Variants in CBLB observed in about 807,000 individuals in gnomAD.
The protein encoded by CBLB is Cbl proto-oncogene B.
CBLB carries 31 observed loss-of-function variants against 104.9 expected under a neutral mutation model. The observed-to-expected ratio is 0.30, with a 90% CI of 0.22 to 0.40. The LOEUF is 0.40. Among genes scored for constraint, CBLB ranks in the 10% least tolerant of loss-of-function variants. The probability of loss-of-function intolerance (pLI) is 1.00; values close to 1 mark genes in which losing one functional copy is unlikely to be tolerated. For missense variants in CBLB, 1,062 were observed against 1,214.6 expected (o/e 0.87, Z 1.87); for synonymous variants, 440 against 422.6 (o/e 1.04, Z -0.51).
intron 3 of CBLB, among the ~76,000 whole-genome samples, chr3:105,810,650 A>T (rs1237730371): frequency 6.6e-6 from 1 of 152,152 alleles, no homozygotes; most frequent in African/African-American, 2.4e-5. Flanking sequence ...AATATTCCAT[A>T]GATTCAGAAA....
At chr3:105,835,290 T>C (rs907985241) in intron 3 of CBLB, among the ~76,000 whole-genome samples, 4 of 152,162 alleles carry the variant, frequency 2.6e-5, no homozygotes, top group Admixed American at 1.3e-4. Flanking sequence ...AATCTTTTTG[T>C]GAAAACTGAA....
intron 9 of CBLB, among the ~76,000 whole-genome samples, chr3:105,729,799 A>G (rs1398869349): frequency 1.3e-5 from 2 of 152,118 alleles, no homozygotes; most frequent in African/African-American, 4.8e-5. Flanking sequence ...TGCTTTAACT[A>G]GATTAACTTT....
intron 6 of CBLB, among the ~76,000 whole-genome samples, chr3:105,745,662 T>G (rs999418369): frequency 2.0e-5 from 3 of 152,218 alleles, no homozygotes; most frequent in Admixed American, 1.3e-4. Flanking sequence ...CATTCAATTT[T>G]GCACATAAAC....
chr3:105,756,334 A>G (rs1305781684), intron 4 of CBLB, among the ~76,000 whole-genome samples: 2 of 152,186 alleles, frequency 1.3e-5, no homozygotes, highest in Admixed American at 1.3e-4. Context: ...TATTGGCTAT[A>G]TATAACTAGA....
At chr3:105,818,689 A>C (rs910084140) in intron 3 of CBLB, among the ~76,000 whole-genome samples, 1 of 152,200 alleles carries the variant, frequency 6.6e-6, no homozygotes, top group Non-Finnish European at 1.5e-5. Context: ...CTCTAAACAC[A>C]AGAGAAACCG....
At position 105,772,950 on chromosome 3, in the gene CBLB, A is replaced by T. The variant is rs778158854; in HGVS notation, c.566+3446T>A. 1.6e-4 allele frequency among the ~76,000 whole-genome samples: 24 copies of T among 152,364 alleles called. 1 individual carries two copies. The highest frequency in any genetic ancestry group is 9.1e-4 in the Admixed American group (14 of 15,302). The stretch of plus-strand genomic sequence containing the variant: ...TACATTGCTGGTGGGAGTATGAATT[A>T]GTAACAACCACTATGGAAAACAGTA... On this transcript the variant is annotated intron_variant, in intron 4 of 18. Transcript: ENST00000394030.
chr3:105,682,594 C>T (rs2066450959), intron 14 of CBLB, among the ~76,000 whole-genome samples: 1 of 152,104 alleles, frequency 6.6e-6, no homozygotes. Flanking sequence ...GCAACCTCCG[C>T]CTACCAGGTT....
At chr3:105,732,766 T>C (rs1260477395) in intron 9 of CBLB, among the ~76,000 whole-genome samples, 2 of 152,156 alleles carry the variant, frequency 1.3e-5, no homozygotes, top group Non-Finnish European at 2.9e-5. Context: ...TGAGCCTCAA[T>C]GTCCATCCTT....
chr3:105,665,812 C>A (rs901735967), intron 18 of CBLB, among the ~76,000 whole-genome samples: 5 of 151,284 alleles, frequency 3.3e-5, no homozygotes, highest in African/African-American at 1.2e-4. Context: ...GGGCGGATCA[C>A]AAGGTCAAGA....
chr3:105,743,530 T>C (rs1424538835), intron 6 of CBLB, among the ~76,000 whole-genome samples: 1 of 151,406 alleles, frequency 6.6e-6, no homozygotes, highest in Non-Finnish European at 1.5e-5. Flanking sequence ...GTTGACGAGG[T>C]GGTTTAGGGT....
intron 4 of CBLB, among the ~76,000 whole-genome samples, chr3:105,761,155 C>T (rs1456819204): frequency 6.6e-6 from 1 of 152,128 alleles, no homozygotes; most frequent in African/African-American, 2.4e-5. Flanking sequence ...GCCTCAGCCT[C>T]GTTAAGTAGC....
intron 3 of CBLB, among the ~76,000 whole-genome samples, chr3:105,800,675 A>G (rs552687017): frequency 6.6e-6 from 1 of 152,066 alleles, no homozygotes; most frequent in South Asian, 2.1e-4. Flanking sequence ...CAAAATATAC[A>G]CAAACCCCCC....
chr3:105,706,029 C>T lies in CBLB; in HGVS notation c.1408-1856G>A, dbSNP rs139443683. 6.1e-3 allele frequency among the ~76,000 whole-genome samples: 923 copies of T among 152,118 alleles called. 11 individuals carry two copies. Among genetic ancestry groups the T allele is most frequent in the African/African-American group, 0.021 (876 of 41,488 alleles). ...GTGGTGATACACGCCTCCAGTCCCACGACTCAAGAGGCTAAGGTAGGAGGA... is the reference window on the plus strand; with the variant it reads ...GTGGTGATACACGCCTCCAGTCCCATGACTCAAGAGGCTAAGGTAGGAGGA... On this transcript the variant is annotated intron_variant, in intron 10 of 18. Transcript: ENST00000394030.
chr3:105,787,575 A>T (rs16851587), intron 3 of CBLB, among the ~76,000 whole-genome samples: 20,379 of 152,152 alleles, frequency 0.13, 1,607 homozygotes, highest in East Asian at 0.41. Context: ...TTAAGCAAAA[A>T]CTGTGAATCC....
chr3:105,851,789 C>T (rs2090983909), intron 3 of CBLB, among the ~76,000 whole-genome samples: 2 of 152,066 alleles, frequency 1.3e-5, no homozygotes, highest in Admixed American at 6.6e-5. Context: ...TCATGAACCC[C>T]GTAATGACAT....
At chr3:105,857,370 A>T (rs916347351) in intron 2 of CBLB, among the ~76,000 whole-genome samples, 1 of 152,184 alleles carries the variant, frequency 6.6e-6, no homozygotes, top group Non-Finnish European at 1.5e-5. Flanking sequence ...ATTATAGATG[A>T]CTAGAACATA....
At chr3:105,778,273 T>C (rs906070270) in intron 3 of CBLB, among the ~76,000 whole-genome samples, 10 of 152,180 alleles carry the variant, frequency 6.6e-5, no homozygotes, top group Admixed American at 4.6e-4. Flanking sequence ...ACCTTTGTCA[T>C]TGAAAGTTGT....
chr3:105,867,725 T>C (rs1264907180), intron 1 of CBLB, 134 bp from the exon 2 acceptor site: 2 of 724,652 alleles, frequency 2.8e-6, no homozygotes, highest in Non-Finnish European at 4.8e-6. Context: ...TCCGGATTCA[T>C]CTTTATCAAT....
At chr3:105,758,411 CTT>C (rs957031277) in intron 4 of CBLB, among the ~76,000 whole-genome samples, 33 of 152,188 alleles carry the variant, frequency 2.2e-4, no homozygotes, top group African/African-American at 6.3e-4. Flanking sequence ...GCTCATAACA[CTT>C]TGTCTCTAGT....
Sources: allele counts gnomAD v4.1 joint callset (sites outside exome capture counted in the v4.1 genomes callset), GRCh38; gene constraint gnomAD v4.1.1; transcripts MANE v1.5; gene names NCBI Gene and HGNC (gene_info 2026-07-23, HGNC 2026-07-21).